The following PAK4 variants were observed in gnomAD, a reference collection of about 807,000 sequenced individuals.
PAK4 encodes the protein p21 (RAC1) activated kinase 4.
Under a neutral mutation model 53.5 loss-of-function variants are expected in PAK4, and 49 were observed. The observed-to-expected ratio is 0.92, with a 90% CI of 0.73 to 1.16. PAK4 has a LOEUF of 1.16. PAK4 is among the 50% of genes most tolerant of loss of function. PAK4 has a pLI of 0.00. For synonymous variants in PAK4, 376 were observed against 375.6 expected (o/e 1.00, Z -0.01); for missense variants, 824 against 850.7 (o/e 0.97, Z 0.39).
chr19:39,175,026 G>T lies in PAK4; in HGVS notation c.1194G>T (p.Leu398=), dbSNP rs762547953. 27 of 1,613,680 alleles carry T rather than the reference G, an allele frequency of 1.7e-5. No individual in the cohort carries two copies. Among genetic ancestry groups the T allele is most frequent in the Admixed American group, 3.3e-5 (2 of 59,972 alleles). ...AGCTCTGGGTGGTCATGGAGTTCCTGGAAGGAGGCGCCCTCACCGACATCG... is the reference window on the plus strand; with the variant it reads ...AGCTCTGGGTGGTCATGGAGTTCCTTGAAGGAGGCGCCCTCACCGACATCG... The change falls in exon 5 of 9, where the codon CTG becomes CTT. Residue 398 remains leucine, a synonymous_variant. Transcript: ENST00000358301. This position sits in a 1 kb window ranked among gnomAD's most constrained non-coding sequence, Gnocchi z 4.7.
chr19:39,127,018 C>A (rs771349065), intron 1 of PAK4, among the ~76,000 whole-genome samples: 1 of 152,106 alleles, frequency 6.6e-6, no homozygotes, highest in African/African-American at 2.4e-5. Context: ...CTGGGCCACT[C>A]CCTGGGCGGA....
chr19:39,167,803 GGGA>G (rs1372761837), intron 1 of PAK4, among the ~76,000 whole-genome samples: 4 of 152,224 alleles, frequency 2.6e-5, no homozygotes, highest in South Asian at 2.1e-4. Flanking sequence ...AGCCTGAGCC[GGGA>G]GGAGAAGTAG....
intron 1 of PAK4, among the ~76,000 whole-genome samples, chr19:39,158,232 T>C (rs1035809217): frequency 5.3e-5 from 8 of 151,916 alleles, no homozygotes; most frequent in Non-Finnish European, 8.8e-5. Context: ...TGTGTGTGCA[T>C]GTGTGTGCGC....
chr19:39,133,815 T>C (rs2073758945), intron 1 of PAK4, among the ~76,000 whole-genome samples: 1 of 152,200 alleles, frequency 6.6e-6, no homozygotes, highest in African/African-American at 2.4e-5. Context: ...AGCCCGGTTT[T>C]GCCACTCCCA....
chr19:39,158,434 C>T (rs1341464582), intron 1 of PAK4, among the ~76,000 whole-genome samples: 1 of 152,146 alleles, frequency 6.6e-6, no homozygotes, highest in Admixed American at 6.5e-5. Context: ...GGCCTCTTTC[C>T]TGCCACATCA....
chr19:39,130,069 A>AGACGAGGGTCAG (rs2073671008), intron 1 of PAK4, among the ~76,000 whole-genome samples: 1 of 99,006 alleles, frequency 1.0e-5, no homozygotes. Context: ...GGAGAGGCCT[A>AGACGAGGGTCAG]GGCGAGGGTC....
Position 39,147,051 on chromosome 19 carries a change from C to T in PAK4, c.-23+21132C>T, listed in dbSNP as rs12985160. On this transcript the variant is annotated intron_variant, in intron 1 of 8. Coordinates refer to ENST00000358301, the Ensembl canonical transcript of PAK4. ...ATACCAGAGTGTCAACTGACATTGA[C>T]ACTGTCATTGTCAATTGACAATTGT... 2.5e-3 allele frequency among the ~76,000 whole-genome samples: 62 copies of T among 24,660 alleles called. 1 individual carries two copies. The Middle Eastern group carries it at 0.14, about 57-fold the overall frequency. The allele number at this position is 24,660 out of a possible 152,430, so 16.2% of individuals were successfully genotyped here.
At chr19:39,164,121 A>G (rs2074329294) in intron 1 of PAK4, among the ~76,000 whole-genome samples, 1 of 152,038 alleles carries the variant, frequency 6.6e-6, no homozygotes, top group South Asian at 2.1e-4. Context: ...TACTAAGAAT[A>G]CATAAATTAG....
intron 1 of PAK4, among the ~76,000 whole-genome samples, chr19:39,142,140 A>T (rs560615041): frequency 6.6e-6 from 1 of 152,142 alleles, no homozygotes; most frequent in Non-Finnish European, 1.5e-5. Flanking sequence ...TCATGCTCAG[A>T]TACTGGCATC....
At chr19:39,138,342 T>G (rs1600316826) in intron 1 of PAK4, among the ~76,000 whole-genome samples, 2 of 152,304 alleles carry the variant, frequency 1.3e-5, no homozygotes, top group East Asian at 3.9e-4. Flanking sequence ...CATGAGCCAC[T>G]GTAATGGGCA....
intron 2 of PAK4, among the ~76,000 whole-genome samples, chr19:39,171,862 A>G (rs2074486853): frequency 6.6e-6 from 1 of 152,146 alleles, no homozygotes; most frequent in African/African-American, 2.4e-5. Flanking sequence ...GGTTTAGCAA[A>G]AGTTCACTGA....
chr19:39,177,110 A>G (rs888805753), intron 7 of PAK4, among the ~76,000 whole-genome samples: 3 of 152,100 alleles, frequency 2.0e-5, no homozygotes, highest in Admixed American at 6.5e-5. Flanking sequence ...CAGGTGATCT[A>G]TCCGCCTTGG....
Position 39,161,777 on chromosome 19 carries a change from G to A in PAK4, c.-22-7755G>A, listed in dbSNP as rs949831696. 3.3e-5 allele frequency among the ~76,000 whole-genome samples: 5 copies of A among 151,646 alleles called. No individual in the cohort carries two copies. Among genetic ancestry groups the A allele is most frequent in the African/African-American group, 1.2e-4 (5 of 41,240 alleles). On this transcript the variant is annotated intron_variant, in intron 1 of 8. Coordinates refer to ENST00000358301, the Ensembl canonical transcript of PAK4. The surrounding 1 kb of genome is among the most constrained non-coding windows in gnomAD (Gnocchi z 4.5). ...CCCTCGCCCACCCTGCTCCAGCCAC[G>A]TGGCCTCCTCGCTGTCCCTTGACCA...
Position 39,173,102 on chromosome 19 carries a change from G to A in PAK4, c.389G>A (p.Gly130Glu), listed in dbSNP as rs1160808587. ...GCCACCACGGCCAGAGGGGGCCCAGGGAAGGCAGGCAGCCGAGGCCGGTTC... is the reference window on the plus strand; with the variant it reads ...GCCACCACGGCCAGAGGGGGCCCAGAGAAGGCAGGCAGCCGAGGCCGGTTC... Residue 130 changes from glycine (G) to glutamate (E), a missense_variant, in exon 3 of 9, where the codon GGG becomes GAG. By Grantham distance (98) the Gly-to-Glu change is moderately conservative (BLOSUM62 -2). Transcript: ENST00000358301. This position sits in a 1 kb window ranked among gnomAD's most constrained non-coding sequence, Gnocchi z 6.9. 3 of 1,548,114 alleles carry A rather than the reference G, an allele frequency of 1.9e-6. No individual in the cohort carries two copies. In the Admixed American group the frequency reaches 5.9e-5, roughly 30 times the overall value.
intron 6 of PAK4, among the ~76,000 whole-genome samples, chr19:39,176,147 G>A (rs1258798778): frequency 2.0e-5 from 3 of 152,244 alleles, no homozygotes. Context: ...CTAAGAAGGT[G>A]TGAGAGGCCT....
Position 39,173,757 on chromosome 19 carries a change from C to A in PAK4, c.845C>A (p.Ala282Asp). 6.3e-7 allele frequency: 1 copy of A among 1,587,708 alleles called. No homozygotes were observed. Among genetic ancestry groups the A allele is most frequent in the Non-Finnish European group, 8.6e-7 (1 of 1,169,008 alleles). ...CCAGCCTGCACCCCCGCCGCCCCTG[C>A]TGTTCCTGGGCCCCCTGGCCCCCGC... Residue 282 changes from alanine (A) to aspartate (D), a missense_variant, in exon 4 of 9, where the codon GCT becomes GAT. Coordinates refer to ENST00000358301, the Ensembl canonical transcript of PAK4. This position sits in a 1 kb window ranked among gnomAD's most constrained non-coding sequence, Gnocchi z 6.9.
At chr19:39,143,393 C>G (rs1182221893) in intron 1 of PAK4, among the ~76,000 whole-genome samples, 1 of 149,978 alleles carries the variant, frequency 6.7e-6, no homozygotes, top group Non-Finnish European at 1.5e-5. Context: ...GAGTTCGAGA[C>G]GAGCCTGGCC....
intron 1 of PAK4, among the ~76,000 whole-genome samples, chr19:39,129,169 G>T (rs2073651130): frequency 6.6e-6 from 1 of 152,074 alleles, no homozygotes; most frequent in African/African-American, 2.4e-5. Flanking sequence ...TCAGCCTCTG[G>T]AGTAGCTGGG....
chr19:39,173,251 C>G lies in PAK4; in HGVS notation c.538C>G (p.Leu180Val), dbSNP rs746317635. The change falls in exon 3 of 9, where the codon CTC (leucine) becomes GTC (valine). Residue 180 changes from leucine to valine, a missense_variant. Transcript: ENST00000358301. This position sits in a 1 kb window ranked among gnomAD's most constrained non-coding sequence, Gnocchi z 6.9. ...GGAGTCCTCCCGGGACAAACGCCCCCTCTCCGGGCCTGATGTCGGCACCCC... is the reference window on the plus strand; with the variant it reads ...GGAGTCCTCCCGGGACAAACGCCCCGTCTCCGGGCCTGATGTCGGCACCCC... 1.3e-6 allele frequency: 2 copies of G among 1,588,712 alleles called. No homozygotes were observed. The highest frequency in any genetic ancestry group is 1.1e-5 in the South Asian group (1 of 87,404).
Sources: gnomAD v4.1 joint callset for allele counts (sites outside exome capture counted in the v4.1 genomes callset) on GRCh38, gnomAD v4.1.1 for gene constraint, Gnocchi (gnomAD v3.1) non-coding constraint, MANE v1.5 for transcripts, NCBI Gene and HGNC (gene_info 2026-07-23, HGNC 2026-07-21) for gene names.